The following CDK19 variants were observed in gnomAD, a reference collection of about 807,000 sequenced individuals.
CDK19 encodes the protein cyclin-dependent kinase 19.
In CDK19, 20 loss-of-function variants were observed where a neutral mutation model predicts 68.3. That is an observed-to-expected ratio of 0.29 (90% CI 0.21 to 0.43). The LOEUF (loss-of-function observed/expected upper bound fraction) is 0.43, where lower values mean the gene tolerates loss of function less well. Ranked by LOEUF, CDK19 falls within the 20% of genes least tolerant of loss-of-function variation. The probability of loss-of-function intolerance (pLI) is 1.00; values close to 1 mark genes in which losing one functional copy is unlikely to be tolerated. For missense variants in CDK19, 339 were observed against 623.5 expected, an observed-to-expected ratio of 0.54 and a Z score of 4.86; for synonymous variants, 221 against 222.8, an observed-to-expected ratio of 0.99 and a Z score of 0.07.
intron 4 of CDK19, among the ~76,000 whole-genome samples, chr6:110,639,074 G>T (rs553515586): frequency 6.6e-6 from 1 of 151,952 alleles, no homozygotes; most frequent in Non-Finnish European, 1.5e-5. Context: ...CAACATAATC[G>T]CCTTCATATG....
At chr6:110,706,073 G>T (rs1199537825) in intron 2 of CDK19, among the ~76,000 whole-genome samples, 1 of 152,104 alleles carries the variant, frequency 6.6e-6, no homozygotes. Context: ...GTTTGTTTTT[G>T]AGACGGAGTC....
intron 5 of CDK19, among the ~76,000 whole-genome samples, chr6:110,634,712 C>A (rs1376040912): frequency 6.6e-6 from 1 of 152,194 alleles, no homozygotes; most frequent in African/African-American, 2.4e-5. Flanking sequence ...TATTATTCTA[C>A]AATATTACAC....
intron 2 of CDK19, among the ~76,000 whole-genome samples, chr6:110,727,662 T>C (rs1776411893): frequency 6.6e-6 from 1 of 151,988 alleles, no homozygotes; most frequent in South Asian, 2.1e-4. Flanking sequence ...AGTTCTCTTC[T>C]AGAATTCCTC....
At chr6:110,680,401 A>C (rs1050641499) in intron 2 of CDK19, among the ~76,000 whole-genome samples, 29 of 152,248 alleles carry the variant, frequency 1.9e-4, no homozygotes, top group African/African-American at 7.0e-4. Context: ...AGTGAAGCAG[A>C]TATTAACCTT....
At chr6:110,695,243 C>G (rs1399190848) in intron 2 of CDK19, among the ~76,000 whole-genome samples, 1 of 152,176 alleles carries the variant, frequency 6.6e-6, no homozygotes, top group African/African-American at 2.4e-5. Flanking sequence ...AAATAATCTG[C>G]TCCTGAATGA....
intron 1 of CDK19, among the ~76,000 whole-genome samples, chr6:110,768,616 G>A (rs1366380452): frequency 6.6e-6 from 1 of 152,076 alleles, no homozygotes; most frequent in African/African-American, 2.4e-5. Flanking sequence ...ATTACAAAGT[G>A]CAAGAAGCCA....
chr6:110,728,815 A>G (rs1452586743), intron 2 of CDK19, among the ~76,000 whole-genome samples: 1 of 152,138 alleles, frequency 6.6e-6, no homozygotes, highest in Admixed American at 6.6e-5. Flanking sequence ...CTCATCCTTC[A>G]AATCTCTGCA....
chr6:110,660,471 C>G (rs964606968), intron 4 of CDK19, among the ~76,000 whole-genome samples: 1 of 152,170 alleles, frequency 6.6e-6, no homozygotes, highest in Non-Finnish European at 1.5e-5. Flanking sequence ...GTTGGTGTGA[C>G]AGCCTTTTGC....
At chr6:110,732,497 C>T (rs1776838782) in intron 2 of CDK19, among the ~76,000 whole-genome samples, 2 of 152,060 alleles carry the variant, frequency 1.3e-5, no homozygotes, top group Admixed American at 6.6e-5. Flanking sequence ...GATTACACCA[C>T]TACACTCCAG....
intron 1 of CDK19, among the ~76,000 whole-genome samples, chr6:110,798,019 A>G (rs1340899707): frequency 1.3e-5 from 2 of 151,580 alleles, no homozygotes; most frequent in Non-Finnish European, 2.9e-5. Flanking sequence ...AGAAAAAGAA[A>G]GAAATATATA....
chr6:110,637,810 T>C (rs891503532), intron 5 of CDK19, among the ~76,000 whole-genome samples: 9 of 152,070 alleles, frequency 5.9e-5, no homozygotes, highest in African/African-American at 2.2e-4. Context: ...TGAAACCCCA[T>C]CTCTACTAAA....
intron 4 of CDK19, among the ~76,000 whole-genome samples, chr6:110,657,225 T>G (rs975158918): frequency 1.3e-5 from 2 of 152,060 alleles, no homozygotes; most frequent in Admixed American, 6.5e-5. Flanking sequence ...CAAGCCAGAG[T>G]TGTGACAGCC....
At chr6:110,693,618 G>A (rs1050396497) in intron 2 of CDK19, among the ~76,000 whole-genome samples, 2 of 152,172 alleles carry the variant, frequency 1.3e-5, no homozygotes, top group South Asian at 2.1e-4. Flanking sequence ...GGTGAAGCCT[G>A]TCATTGCTGG....
intron 2 of CDK19, among the ~76,000 whole-genome samples, chr6:110,685,367 C>A (rs73526504): frequency 0.16 from 23,817 of 152,150 alleles, 2,077 homozygotes; most frequent in East Asian, 0.32. Context: ...TTTATCACTT[C>A]TTCTAAGAGG....
intron 2 of CDK19, among the ~76,000 whole-genome samples, chr6:110,677,804 C>G (rs1031984927): frequency 1.3e-5 from 2 of 152,126 alleles, no homozygotes; most frequent in East Asian, 1.9e-4. Flanking sequence ...CTGCCCTCCT[C>G]CTGCATTAGA....
rs1359511871 is a variant in CDK19, at chr6:110,621,066, T to C, written c.1377+38A>G. ...GATCTAGGATAAATCTTTTCCCCAC[T>C]TCATAAAGCATATGAACATTAGACA... On this transcript the variant is annotated intron_variant, in intron 12 of 12. Coordinates refer to ENST00000368911, the MANE Select transcript of CDK19 (RefSeq NM_015076.5). The surrounding 1 kb of genome is among the most constrained non-coding windows in gnomAD (Gnocchi z 5.4). 6.4e-7 allele frequency: 1 copy of C among 1,562,412 alleles called. No individual in the cohort carries two copies. The highest frequency in any genetic ancestry group is 8.7e-7 in the Non-Finnish European group (1 of 1,152,558).
chr6:110,744,479 A>C (rs1478488773), intron 2 of CDK19, among the ~76,000 whole-genome samples: 1 of 152,056 alleles, frequency 6.6e-6, no homozygotes, highest in East Asian at 1.9e-4. Flanking sequence ...TTACAGTGAG[A>C]TATGATTAAG....
intron 2 of CDK19, among the ~76,000 whole-genome samples, chr6:110,744,528 T>A (rs1384887601): frequency 1.3e-5 from 2 of 151,960 alleles, no homozygotes; most frequent in African/African-American, 4.8e-5. Flanking sequence ...CAAGACCTTG[T>A]CTCTAAAAAA....
Position 110,621,370 on chromosome 6 carries a change from T to A in CDK19, c.1111A>T (p.Asn371Tyr). 3 of 1,534,904 alleles carry A rather than the reference T, an allele frequency of 2.0e-6. No individual in the cohort carries two copies. Among genetic ancestry groups the A allele is most frequent in the Non-Finnish European group, 2.6e-6 (3 of 1,143,946 alleles). The change falls in exon 12 of 13, where the codon AAT becomes TAT. Residue 371 changes from asparagine (N) to tyrosine (Y), a missense_variant and splice_region_variant. Physicochemically the swap from Asn to Tyr is moderately radical, Grantham distance 143. Coordinates refer to ENST00000368911, the MANE Select transcript of CDK19 (RefSeq NM_015076.5). This position sits in a 1 kb window ranked among gnomAD's most constrained non-coding sequence, Gnocchi z 5.4. ...EDDPEEKGDK[N>Y]QQQQQNQHQQ... ...TGCTGGTTCTGCTGCTGTTGCTGATTCTTTTAAGGGGAAAAAAGCAAGCTT... is the reference window on the plus strand; with the variant it reads ...TGCTGGTTCTGCTGCTGTTGCTGATACTTTTAAGGGGAAAAAAGCAAGCTT...
Sources: allele counts gnomAD v4.1 joint callset (sites outside exome capture counted in the v4.1 genomes callset), GRCh38; gene constraint gnomAD v4.1.1; non-coding constraint Gnocchi (gnomAD v3.1); transcripts MANE v1.5; gene names NCBI Gene and HGNC (gene_info 2026-07-23, HGNC 2026-07-21).